TANGO2: variants seen among roughly 807,000 people sequenced by gnomAD.
TANGO2 encodes the protein transport and golgi organization 2 homolog, also known as transport and Golgi organization protein 2 homolog.
Under a neutral mutation model 39.1 loss-of-function variants are expected in TANGO2, and 26 were observed. The ratio of observed to expected loss-of-function variants is 0.67; its 90% CI spans 0.49 to 0.92. The LOEUF is 0.92. TANGO2 is among the 40% of genes least tolerant of loss of function. The pLI is 0.00. For missense variants in TANGO2, 326 were observed against 360.1 expected (o/e 0.91, Z 0.77); for synonymous variants, 131 against 144.5 (o/e 0.91, Z 0.67).
chr22:20,038,269 C>G (rs1401314467), intron 2 of TANGO2, among the ~76,000 whole-genome samples: 1 of 152,180 alleles, frequency 6.6e-6, no homozygotes, highest in African/African-American at 2.4e-5. Context: ...TCTCCAGCAT[C>G]CAATGCTGCG....
chr22:20,018,234 C>T (rs1343440830), upstream of TANGO2, among the ~76,000 whole-genome samples: 12 of 152,246 alleles, frequency 7.9e-5, no homozygotes, highest in African/African-American at 2.7e-4. Context: ...TGGCACTTGA[C>T]GTGCCAATTG....
intron 1 of TANGO2, among the ~76,000 whole-genome samples, chr22:20,023,828 A>G (rs887516428): frequency 6.7e-6 from 1 of 150,350 alleles, no homozygotes; most frequent in African/African-American, 2.5e-5. Flanking sequence ...ACTGCACTCC[A>G]GCCTGGGCAA....
intron 3 of TANGO2, among the ~76,000 whole-genome samples, chr22:20,046,140 T>G (rs1178195208): frequency 6.6e-6 from 1 of 152,094 alleles, no homozygotes; most frequent in East Asian, 1.9e-4. Context: ...AAGCTGAGTC[T>G]GGGTAATTTT....
intron 6 of TANGO2, among the ~76,000 whole-genome samples, chr22:20,059,432 C>T (rs969695826): frequency 6.6e-6 from 1 of 152,214 alleles, no homozygotes; most frequent in African/African-American, 2.4e-5. Context: ...TATGGTAACC[C>T]TGTTTAACCT....
chr22:20,053,218 G>A, intron 4 of TANGO2: 1 of 498,480 alleles, frequency 2.0e-6, no homozygotes, highest in Non-Finnish European at 3.7e-6. Context: ...ACATAGTGGG[G>A]AAATTTTTTT....
chr22:20,037,822 G>T (rs1409907151), intron 2 of TANGO2, among the ~76,000 whole-genome samples: 1 of 152,198 alleles, frequency 6.6e-6, no homozygotes, highest in South Asian at 2.1e-4. Flanking sequence ...GGCTGGCCGA[G>T]CACGGTGGCT....
intron 1 of TANGO2, 102 bp from the exon 2 acceptor site, chr22:20,036,658 A>G (rs1275553689): frequency 3.0e-6 from 3 of 992,412 alleles, no homozygotes; most frequent in Admixed American, 3.7e-5. Flanking sequence ...AGTAGTACAG[A>G]CACCACAGAG....
chr22:20,032,266 T>C (rs970286325), intron 1 of TANGO2, among the ~76,000 whole-genome samples: 28 of 152,402 alleles, frequency 1.8e-4, no homozygotes, highest in African/African-American at 6.5e-4. Context: ...GTAAGCATTT[T>C]CCGCCTGGAG....
chr22:20,020,862 G>A (rs1388625236), upstream of TANGO2, among the ~76,000 whole-genome samples: 2 of 152,128 alleles, frequency 1.3e-5, no homozygotes, highest in Non-Finnish European at 2.9e-5. Context: ...CAGGCAGGGA[G>A]CCGCGGAGTC....
chr22:20,060,416 G>T (rs979706774), intron 6 of TANGO2, among the ~76,000 whole-genome samples: 2 of 151,016 alleles, frequency 1.3e-5, no homozygotes, highest in African/African-American at 4.9e-5. Flanking sequence ...GTGCCACCAT[G>T]TTCAGCTAAC....
chr22:20,036,723 G>A, intron 1 of TANGO2, 37 bp from the exon 2 acceptor site: 1 of 1,583,876 alleles, frequency 6.3e-7, no homozygotes. Flanking sequence ...CTGAGTGTCT[G>A]CCATCCGCTC....
rs426894 is a variant in TANGO2 at position 20,061,931 on chromosome 22, A to G, written c.605+248A>G. 0.43 allele frequency: 208,453 copies of G among 487,800 alleles called. 46,909 individuals carry two copies. Among genetic ancestry groups the G allele is most frequent in the East Asian group, 0.69 (19,444 of 28,266 alleles). 30.2% of individuals were successfully genotyped at this position (487,800 alleles called of 1,614,324 possible). A position where few individuals can be genotyped will look rare whatever the true frequency, so the allele number is the denominator to read the frequency against. Reference sequence around the variant, plus strand: ...CCCAGGCCCAGGGGAGGCTCAGTGCACCCAGAGGCTTGATGCAGCCACGTG... The same window carrying G: ...CCCAGGCCCAGGGGAGGCTCAGTGCGCCCAGAGGCTTGATGCAGCCACGTG... On this transcript the variant is annotated intron_variant, in intron 7 of 8. Transcript: ENST00000327374.
At chr22:20,043,169 T>G (rs995344974) in intron 2 of TANGO2, among the ~76,000 whole-genome samples, 186 bp from the exon 3 acceptor site, 3 of 152,212 alleles carry the variant, frequency 2.0e-5, no homozygotes, top group African/African-American at 2.4e-5. Flanking sequence ...AGCTGCAGGC[T>G]CCCGAGAGCT....
intron 5 of TANGO2, 187 bp downstream of exon 5, chr22:20,053,738 T>G: frequency 1.6e-6 from 1 of 635,302 alleles, no homozygotes. Context: ...TATTTGGGGG[T>G]GAAGCCCAAG....
At chr22:20,019,000 C>T (rs1178867932), upstream of TANGO2, among the ~76,000 whole-genome samples, 1 of 152,120 alleles carries the variant, frequency 6.6e-6, no homozygotes, top group African/African-American at 2.4e-5. Flanking sequence ...CAGGAGATCG[C>T]TTGAACCTGG....
intron 7 of TANGO2, among the ~76,000 whole-genome samples, chr22:20,062,135 G>C (rs2048497471): frequency 6.6e-6 from 1 of 152,208 alleles, no homozygotes; most frequent in Admixed American, 6.5e-5. Context: ...GCGACCCTGG[G>C]CTGAGTGCTG....
upstream of TANGO2, among the ~76,000 whole-genome samples, chr22:20,020,903 G>C (rs2039534008): frequency 6.6e-6 from 1 of 152,156 alleles, no homozygotes; most frequent in African/African-American, 2.4e-5. Context: ...GAAGCGCTCA[G>C]ACGCCCGCGC....
chr22:20,041,505 G>A (rs1012748728), intron 2 of TANGO2, among the ~76,000 whole-genome samples: 1 of 152,058 alleles, frequency 6.6e-6, no homozygotes, highest in Non-Finnish European at 1.5e-5. Flanking sequence ...GTAGAGACGG[G>A]GTTTTACCGT....
chr22:20,035,609 G>C (rs897294148), intron 1 of TANGO2, among the ~76,000 whole-genome samples: 1 of 152,220 alleles, frequency 6.6e-6, no homozygotes, highest in African/African-American at 2.4e-5. Flanking sequence ...CACCCAGCGT[G>C]TCCCCGGCAC....
Sources: allele counts gnomAD v4.1 joint callset (sites outside exome capture counted in the v4.1 genomes callset), GRCh38; gene constraint gnomAD v4.1.1; transcripts MANE v1.5; gene names NCBI Gene and HGNC (gene_info 2026-07-23, HGNC 2026-07-21).